Variants in TNIP3 observed in about 807,000 individuals in gnomAD.
The protein encoded by TNIP3 is TNFAIP3 interacting protein 3.
In TNIP3, 34 loss-of-function variants were observed where a neutral mutation model predicts 54.1. The observed-to-expected ratio is 0.63, with a 90% CI of 0.48 to 0.84. TNIP3 has a LOEUF of 0.84. Ranked by LOEUF, TNIP3 falls within the 40% of genes least tolerant of loss-of-function variation. The probability of loss-of-function intolerance (pLI) is 0.00; values close to 1 mark genes in which losing one functional copy is unlikely to be tolerated. For synonymous variants in TNIP3, 134 were observed against 136.8 expected, an observed-to-expected ratio of 0.98 and a Z score of 0.14; for missense variants, 366 against 387.6, an observed-to-expected ratio of 0.94 and a Z score of 0.47.
chr4:121,189,849 T>C (rs947090716), intron 2 of TNIP3, among the ~76,000 whole-genome samples: 1 of 152,178 alleles, frequency 6.6e-6, no homozygotes, highest in Non-Finnish European at 1.5e-5. Context: ...CAATCTGCAT[T>C]CTTGGCTAGC....
In TNIP3 at chr4:121,214,152, G is replaced by A. The variant is rs148289444; in HGVS notation, c.68+2263C>T. ...TTCTCTTCCTGTCCTGTTGGCTCTCGCCTCTTGTCTTTATTCTTCTTTCCC... is the reference window on the plus strand; with the variant it reads ...TTCTCTTCCTGTCCTGTTGGCTCTCACCTCTTGTCTTTATTCTTCTTTCCC... On this transcript the variant is annotated intron_variant, in intron 2 of 12. Coordinates refer to the TNIP3 transcript ENST00000507879. Among the ~76,000 whole-genome samples, 5 of 152,144 alleles carry A rather than the reference G, an allele frequency of 3.3e-5. No individual in the cohort carries two copies. In the East Asian group the frequency reaches 7.7e-4, roughly 24 times the overall value.
At chr4:121,227,087 G>A (rs1727288534) in intron 1 of TNIP3, among the ~76,000 whole-genome samples, 1 of 152,114 alleles carries the variant, frequency 6.6e-6, no homozygotes, top group Admixed American at 6.5e-5. Context: ...AGTTAAATGT[G>A]TCATTTCCAA....
intron 2 of TNIP3, among the ~76,000 whole-genome samples, chr4:121,197,031 C>A (rs1190821249): frequency 2.0e-5 from 3 of 151,908 alleles, no homozygotes; most frequent in Non-Finnish European, 2.9e-5. Flanking sequence ...GACTCAAAGT[C>A]TTAATGAACT....
intron 8 of TNIP3, among the ~76,000 whole-genome samples, chr4:121,142,237 A>C (rs1729163287): frequency 6.6e-6 from 1 of 152,220 alleles, no homozygotes; most frequent in Non-Finnish European, 1.5e-5. Context: ...TCATTGAGTC[A>C]TAAAATAGGT....
intron 4 of TNIP3, among the ~76,000 whole-genome samples, chr4:121,156,711 T>C (rs1253137125): frequency 6.6e-6 from 1 of 152,138 alleles, no homozygotes; most frequent in Non-Finnish European, 1.5e-5. Flanking sequence ...ATTGCCATAT[T>C]ATTATTATGA....
chr4:121,146,341 C>T (rs1729428525), intron 7 of TNIP3, among the ~76,000 whole-genome samples: 1 of 152,094 alleles, frequency 6.6e-6, no homozygotes, highest in South Asian at 2.1e-4. Flanking sequence ...ATTCTCATAA[C>T]AATGTTCTAT....
chr4:121,219,671 G>A (rs1726951114), upstream of TNIP3, among the ~76,000 whole-genome samples: 1 of 152,080 alleles, frequency 6.6e-6, no homozygotes, highest in Non-Finnish European at 1.5e-5. Context: ...TACTCACATA[G>A]GTTTTACAGA....
chr4:121,214,560 C>T (rs1035403116), intron 2 of TNIP3, among the ~76,000 whole-genome samples: 1 of 152,122 alleles, frequency 6.6e-6, no homozygotes, highest in African/African-American at 2.4e-5. Context: ...AGGATTGCCC[C>T]TACCTCTTAG....
intron 2 of TNIP3, among the ~76,000 whole-genome samples, chr4:121,188,491 T>C (rs1471091172): frequency 6.6e-6 from 1 of 152,194 alleles, no homozygotes; most frequent in African/African-American, 2.4e-5. Context: ...AGGTCTCCAG[T>C]ACAGAAGTCT....
chr4:121,153,976 C>A (rs948689942), intron 5 of TNIP3, among the ~76,000 whole-genome samples: 1 of 151,992 alleles, frequency 6.6e-6, no homozygotes, highest in Non-Finnish European at 1.5e-5. Context: ...TCCTCCAAAA[C>A]ATGAATGAAC....
chr4:121,192,073 G>A (rs1725333889), intron 2 of TNIP3, among the ~76,000 whole-genome samples: 2 of 152,210 alleles, frequency 1.3e-5, no homozygotes, highest in African/African-American at 2.4e-5. Flanking sequence ...CAGTTTAAAT[G>A]TGAATTTTTT....
At chr4:121,141,075 C>T (rs1046101055) in intron 9 of TNIP3, among the ~76,000 whole-genome samples, 1 of 152,176 alleles carries the variant, frequency 6.6e-6, no homozygotes, top group Non-Finnish European at 1.5e-5. Flanking sequence ...CACAATTAAT[C>T]AAACCTAAAG....
upstream of TNIP3, among the ~76,000 whole-genome samples, chr4:121,217,706 A>G (rs1407418546): frequency 6.6e-6 from 1 of 152,250 alleles, no homozygotes; most frequent in African/African-American, 2.4e-5. Flanking sequence ...ACCATCTGAT[A>G]GAGTGACTGC....
At chr4:121,193,816 TCA>T (rs1725427404) in intron 2 of TNIP3, among the ~76,000 whole-genome samples, 1 of 152,144 alleles carries the variant, frequency 6.6e-6, no homozygotes, top group Non-Finnish European at 1.5e-5. Context: ...AAAAAAAGTT[TCA>T]CATCTGTAAT....
At chr4:121,199,958 G>A (rs548883537) in intron 2 of TNIP3, among the ~76,000 whole-genome samples, 1 of 152,242 alleles carries the variant, frequency 6.6e-6, no homozygotes, top group South Asian at 2.1e-4. Flanking sequence ...CCAGAAGAAA[G>A]GGTGCTTTTT....
upstream of TNIP3, among the ~76,000 whole-genome samples, chr4:121,217,514 C>T (rs1039523544): frequency 1.3e-5 from 2 of 152,060 alleles, no homozygotes; most frequent in Non-Finnish European, 1.5e-5. Flanking sequence ...TCTGTTACCA[C>T]CATGGTAGCC....
intron 1 of TNIP3, 24 bp downstream of exon 1, chr4:121,164,036 C>A (rs761482335): frequency 6.2e-7 from 1 of 1,612,532 alleles, no homozygotes; most frequent in African/African-American, 1.3e-5. Flanking sequence ...GTGATCAACT[C>A]ATCTCCTAGA....
chr4:121,146,978 C>A, intron 7 of TNIP3, 71 bp downstream of exon 7: 1 of 1,516,092 alleles, frequency 6.6e-7, no homozygotes, highest in South Asian at 1.3e-5. Flanking sequence ...GAAGTCCAAA[C>A]GTCTTGAATT....
chr4:121,181,802 A>T (rs1724725619), intron 3 of TNIP3, among the ~76,000 whole-genome samples: 1 of 152,142 alleles, frequency 6.6e-6, no homozygotes, highest in East Asian at 1.9e-4. Flanking sequence ...AAACAAATTT[A>T]TGGATGCAAA....
Sources: gnomAD v4.1 joint callset for allele counts (sites outside exome capture counted in the v4.1 genomes callset) on GRCh38, gnomAD v4.1.1 for gene constraint, MANE v1.5 for transcripts, NCBI Gene and HGNC (gene_info 2026-07-23, HGNC 2026-07-21) for gene names.